SLC24A3: variants seen among roughly 807,000 people sequenced by gnomAD.
SLC24A3 encodes the protein solute carrier family 24 member 3.
A neutral mutation model predicts 75.8 loss-of-function variants in SLC24A3; 28 were observed. The ratio of observed to expected loss-of-function variants is 0.37; its 90% CI spans 0.27 to 0.51. The LOEUF is 0.51. Among genes scored for constraint, SLC24A3 ranks in the 20% least tolerant of loss-of-function variants. The pLI is 0.94. For missense variants in SLC24A3, 663 were observed against 847.8 expected, an observed-to-expected ratio of 0.78 and a Z score of 2.71; for synonymous variants, 372 against 334.1, an observed-to-expected ratio of 1.11 and a Z score of -1.24.
chr20:19,397,969 T>C (rs1986486415), intron 2 of SLC24A3, among the ~76,000 whole-genome samples: 1 of 152,180 alleles, frequency 6.6e-6, no homozygotes, highest in Non-Finnish European at 1.5e-5. Context: ...CACCATTTTC[T>C]TAAAACATGC....
chr20:19,513,131 T>G (rs1352598639), intron 2 of SLC24A3, among the ~76,000 whole-genome samples: 1 of 152,176 alleles, frequency 6.6e-6, no homozygotes, highest in South Asian at 2.1e-4. Context: ...AGCCTATTGC[T>G]TCTCCTCCAG....
intron 2 of SLC24A3, among the ~76,000 whole-genome samples, chr20:19,335,074 C>A (rs140975927): frequency 0.011 from 1,737 of 152,246 alleles, 17 homozygotes; most frequent in South Asian, 0.017. Flanking sequence ...TGAAATAGGA[C>A]TGGAATATGA....
intron 6 of SLC24A3, among the ~76,000 whole-genome samples, chr20:19,635,236 G>C (rs1752841175): frequency 6.6e-6 from 1 of 152,188 alleles, no homozygotes; most frequent in South Asian, 2.1e-4. Flanking sequence ...GAGTAGTCTA[G>C]AGTTTTTAAT....
chr20:19,513,035 T>C lies in SLC24A3; in HGVS notation c.272-2453T>C, dbSNP rs75351156. ...TCCAGCTCTGAGACTAGGAGAACAA[T>C]AGGAGAGGTGACCTTTCAACCCTAG... On this transcript the variant is annotated intron_variant, in intron 2 of 16. Transcript: ENST00000328041. Among the ~76,000 whole-genome samples the C allele has an allele frequency of 6.2e-3, 937 of 152,082 alleles. 10 individuals are homozygous for C. The highest frequency in any genetic ancestry group is 0.021 in the African/African-American group (881 of 41,470).
rs148607001 is a variant in SLC24A3 at position 19,683,717 on chromosome 20, G to T, written c.902-459G>T. Among the ~76,000 whole-genome samples, 61 of 152,318 alleles carry T rather than the reference G, an allele frequency of 4.0e-4. 1 individual carries two copies. The East Asian group carries it at 0.011, about 26-fold the overall frequency. ...TCTGTGCCCCAGATCTGAATGGTGGGAAAAGAATCCTTTAAGGACAAGGAG... is the reference window on the plus strand; with the variant it reads ...TCTGTGCCCCAGATCTGAATGGTGGTAAAAGAATCCTTTAAGGACAAGGAG... On this transcript the variant is annotated intron_variant, in intron 10 of 16. Transcript: ENST00000328041.
At chr20:19,486,351 G>A (rs995810018) in intron 2 of SLC24A3, among the ~76,000 whole-genome samples, 13 of 152,222 alleles carry the variant, frequency 8.5e-5, no homozygotes, top group Non-Finnish European at 1.5e-4. Flanking sequence ...GGTGTGTCTT[G>A]ATGGTAACAG....
intron 2 of SLC24A3, among the ~76,000 whole-genome samples, chr20:19,345,638 G>C (rs1006511316): frequency 6.6e-6 from 1 of 152,076 alleles, no homozygotes; most frequent in East Asian, 1.9e-4. Context: ...GACATAAATA[G>C]ACATTTCTCA....
chr20:19,301,980 T>A (rs1473314232), intron 2 of SLC24A3, among the ~76,000 whole-genome samples: 1 of 152,250 alleles, frequency 6.6e-6, no homozygotes, highest in Non-Finnish European at 1.5e-5. Context: ...CGGGCATTTG[T>A]TGAGTGCCTC....
At chr20:19,331,275 G>A (rs1270230768) in intron 2 of SLC24A3, among the ~76,000 whole-genome samples, 1 of 152,196 alleles carries the variant, frequency 6.6e-6, no homozygotes, top group African/African-American at 2.4e-5. Context: ...AATAAGCATT[G>A]AAGTATTTAA....
At chr20:19,425,003 C>A (rs1009699124) in intron 2 of SLC24A3, among the ~76,000 whole-genome samples, 4 of 152,038 alleles carry the variant, frequency 2.6e-5, no homozygotes, top group African/African-American at 9.7e-5. Flanking sequence ...GCAAAACATA[C>A]CCGCTAATAA....
chr20:19,524,121 G>T (rs541728554), intron 3 of SLC24A3, among the ~76,000 whole-genome samples: 7 of 152,130 alleles, frequency 4.6e-5, no homozygotes, highest in African/African-American at 1.7e-4. Context: ...CTCGCTGTCT[G>T]CCCCAGTGCC....
At chr20:19,457,492 A>T (rs1325403809) in intron 2 of SLC24A3, among the ~76,000 whole-genome samples, 1 of 152,248 alleles carries the variant, frequency 6.6e-6, no homozygotes, top group East Asian at 1.9e-4. Flanking sequence ...TACAATTTAG[A>T]TGGTTTATTC....
chr20:19,573,964 C>G (rs1340159208), intron 3 of SLC24A3, among the ~76,000 whole-genome samples: 1 of 152,206 alleles, frequency 6.6e-6, no homozygotes, highest in African/African-American at 2.4e-5. Context: ...TAAGGTGAAC[C>G]TCTTACGTTG....
intron 2 of SLC24A3, among the ~76,000 whole-genome samples, chr20:19,402,411 A>G (rs772202225): frequency 4.6e-5 from 7 of 152,204 alleles, no homozygotes; most frequent in Non-Finnish European, 1.0e-4. Context: ...CAAACAAACC[A>G]GGGTCTCAGA....
intron 2 of SLC24A3, among the ~76,000 whole-genome samples, chr20:19,456,686 A>G (rs1987583658): frequency 6.6e-6 from 1 of 152,196 alleles, no homozygotes; most frequent in Non-Finnish European, 1.5e-5. Flanking sequence ...CTGCCCCTCT[A>G]CAGCTAGCAA....
At chr20:19,715,375 G>A (rs957101204) in intron 15 of SLC24A3, among the ~76,000 whole-genome samples, 4 of 152,196 alleles carry the variant, frequency 2.6e-5, no homozygotes, top group Non-Finnish European at 1.5e-5. Flanking sequence ...CGACGGGGCC[G>A]ATCTGCCATT....
At position 19,378,266 on chromosome 20, in the gene SLC24A3, C is replaced by G. The variant is rs568993197; in HGVS notation, c.271+97179C>G. ...CACAGATCTACAACAGTGCACAGAG[C>G]TTGGCCTACGTAGAGGTTTTTTTAA... On this transcript the variant is annotated intron_variant, in intron 2 of 16. Transcript: ENST00000328041. Among the ~76,000 whole-genome samples, 8 of 151,852 alleles carry G rather than the reference C, an allele frequency of 5.3e-5. No individual in the cohort carries two copies. In the East Asian group the frequency reaches 1.2e-3, roughly 22 times the overall value.
intron 16 of SLC24A3, among the ~76,000 whole-genome samples, chr20:19,720,299 G>T (rs1475425637): frequency 6.6e-6 from 1 of 152,214 alleles, no homozygotes; most frequent in Non-Finnish European, 1.5e-5. Flanking sequence ...ATGGGGCAGG[G>T]TGTTGGAAAG....
chr20:19,711,936 C>T (rs934121615), intron 15 of SLC24A3, among the ~76,000 whole-genome samples: 3 of 151,712 alleles, frequency 2.0e-5, no homozygotes, highest in African/African-American at 4.8e-5. Flanking sequence ...CCGCGCCTGG[C>T]CGCAGATGCT....
Sources: gnomAD v4.1 joint callset for allele counts (sites outside exome capture counted in the v4.1 genomes callset) on GRCh38, gnomAD v4.1.1 for gene constraint, MANE v1.5 for transcripts, NCBI Gene and HGNC (gene_info 2026-07-23, HGNC 2026-07-21) for gene names.